Variants in CPXM2 observed in about 807,000 individuals in gnomAD.
CPXM2 encodes the protein inactive carboxypeptidase-like protein X2.
In CPXM2, 66 loss-of-function variants were observed where a neutral mutation model predicts 86.1. That is an observed-to-expected ratio of 0.77 (90% confidence interval 0.63 to 0.94). The LOEUF (loss-of-function observed/expected upper bound fraction) is 0.94, where lower values mean the gene tolerates loss of function less well. CPXM2 is among the 40% of genes least tolerant of loss of function. The pLI is 0.00. For synonymous variants in CPXM2, 388 were observed against 400.2 expected, an observed-to-expected ratio of 0.97 and a Z score of 0.36; for missense variants, 948 against 1,026.3, an observed-to-expected ratio of 0.92 and a Z score of 1.04.
intron 11 of CPXM2, among the ~76,000 whole-genome samples, chr10:123,759,623 C>T (rs1846289554): frequency 6.6e-6 from 1 of 152,240 alleles, no homozygotes; most frequent in Non-Finnish European, 1.5e-5. Context: ...GACAGTTCTT[C>T]ACAAGCCTTC....
chr10:123,808,687 T>A (rs1348985307), intron 4 of CPXM2, among the ~76,000 whole-genome samples: 1 of 152,012 alleles, frequency 6.6e-6, no homozygotes, highest in African/African-American at 2.4e-5. Flanking sequence ...AATTACTGAG[T>A]CAAGAACAAT....
intron 5 of CPXM2, 76 bp downstream of exon 5, chr10:123,799,039 A>G: frequency 6.6e-7 from 1 of 1,512,924 alleles, no homozygotes; most frequent in Non-Finnish European, 9.1e-7. Context: ...CAAAGAGTTG[A>G]TCATACATTG....
rs549258738 is a variant in CPXM2 at position 123,748,159 on chromosome 10, G to A, written c.2018-1142C>T. The stretch of plus-strand genomic sequence containing the variant: ...GCTGCATGCTTATTCCCTTTTCTAC[G>A]TGAGTAATTTGATGCCCAGAGAGGT... On this transcript the variant is annotated intron_variant, in intron 13 of 13. Transcript: ENST00000241305. Among the ~76,000 whole-genome samples the A allele has an allele frequency of 1.2e-4, 19 of 152,190 alleles. No individual in the cohort carries two copies. The South Asian group carries it at 2.9e-3, about 23-fold the overall frequency.
intron 2 of CPXM2, among the ~76,000 whole-genome samples, chr10:123,937,690 G>T (rs981228558): frequency 1.3e-5 from 2 of 152,066 alleles, no homozygotes; most frequent in African/African-American, 4.8e-5. Context: ...TGAGCATCCT[G>T]ACTGCTTGTC....
rs1845959144 is a variant in CPXM2, at chr10:123,745,704, A to G, written c.*1060T>C. 6.6e-6 allele frequency: 1 copy of G among 152,076 alleles called. No individual in the cohort carries two copies. The highest frequency in any genetic ancestry group is 2.1e-4 in the South Asian group (1 of 4,820). 9.4% of individuals were successfully genotyped at this position (152,076 alleles called of 1,614,324 possible). On this transcript the variant is annotated 3_prime_UTR_variant, in exon 14 of 14. Coordinates refer to ENST00000241305, the MANE Select transcript of CPXM2 (RefSeq NM_198148.3). ...AGGTCAATGAGGCAGCAACATTAAC[A>G]AAAAGTGAGACATACTTTTTTCTTG... is the stretch of plus-strand genomic sequence containing the variant.
chr10:123,861,865 C>A (rs189766368), intron 3 of CPXM2, among the ~76,000 whole-genome samples: 1 of 152,328 alleles, frequency 6.6e-6, no homozygotes, highest in Admixed American at 6.5e-5. Flanking sequence ...TTTGTCACAG[C>A]AGCAATAGGA....
chr10:123,944,100 AG>A (rs1484430186), upstream of CPXM2, among the ~76,000 whole-genome samples: 3 of 152,210 alleles, frequency 2.0e-5, no homozygotes, highest in African/African-American at 7.2e-5. Context: ...CTGGGGTGTG[AG>A]GCTGAGCTGG....
chr10:123,814,697 C>G (rs1437064758), intron 4 of CPXM2, among the ~76,000 whole-genome samples: 1 of 152,098 alleles, frequency 6.6e-6, no homozygotes, highest in African/African-American at 2.4e-5. Flanking sequence ...GTATGGACAA[C>G]ACTGATAGTC....
chr10:123,923,768 T>C (rs1470148808), intron 2 of CPXM2, among the ~76,000 whole-genome samples: 1 of 152,172 alleles, frequency 6.6e-6, no homozygotes, highest in African/African-American at 2.4e-5. Flanking sequence ...CTTCATACTA[T>C]TCTCGTAGTG....
chr10:123,889,369 C>G (rs1196429601), intron 1 of CPXM2, among the ~76,000 whole-genome samples: 2 of 152,058 alleles, frequency 1.3e-5, no homozygotes, highest in East Asian at 3.9e-4. Flanking sequence ...TGAGCTCCCC[C>G]AGCTTGTTTG....
At chr10:123,798,245 A>T in intron 5 of CPXM2, 119 bp from the exon 6 acceptor site, 4 of 660,850 alleles carry the variant, frequency 6.1e-6, no homozygotes, top group Non-Finnish European at 8.6e-6. Context: ...TGTGCTGTGC[A>T]TTGAAAAGAA....
chr10:123,916,335 G>A (rs1945533370), intron 2 of CPXM2, among the ~76,000 whole-genome samples: 1 of 152,184 alleles, frequency 6.6e-6, no homozygotes, highest in Admixed American at 6.5e-5. Flanking sequence ...ACTCTGCGCT[G>A]ATGAATGATA....
upstream of CPXM2, among the ~76,000 whole-genome samples, chr10:123,892,551 G>A (rs557466098): frequency 1.3e-5 from 2 of 152,198 alleles, no homozygotes; most frequent in African/African-American, 4.8e-5. Flanking sequence ...TCTCCAGGCG[G>A]GGATGTGGGG....
chr10:123,850,869 G>A (rs1282520986), intron 3 of CPXM2, among the ~76,000 whole-genome samples: 2 of 152,206 alleles, frequency 1.3e-5, no homozygotes, highest in Non-Finnish European at 2.9e-5. Context: ...ACACTTTCAT[G>A]CATTCATCGG....
At chr10:123,936,406 T>C (rs981781439) in intron 2 of CPXM2, among the ~76,000 whole-genome samples, 9 of 152,196 alleles carry the variant, frequency 5.9e-5, no homozygotes, top group African/African-American at 2.2e-4. Flanking sequence ...CTGCAGCTCT[T>C]ATCGGCTATA....
At chr10:123,854,363 T>TATATATATATA (rs566230060) in intron 3 of CPXM2, among the ~76,000 whole-genome samples, 3 of 111,616 alleles carry the variant, frequency 2.7e-5, no homozygotes, top group Admixed American at 1.1e-4. Context: ...TATATAAAAA[T>TATATATATATA]ATATATATAT....
At chr10:123,875,703 A>G (rs760563698) in intron 2 of CPXM2, among the ~76,000 whole-genome samples, 34 of 152,112 alleles carry the variant, frequency 2.2e-4, no homozygotes, top group Non-Finnish European at 4.9e-4. Flanking sequence ...CTTCCAGTCA[A>G]GGCATGAGGG....
At chr10:123,849,435 C>CTCTTTT (rs1848557142) in intron 3 of CPXM2, among the ~76,000 whole-genome samples, 1 of 141,944 alleles carries the variant, frequency 7.0e-6, no homozygotes, top group Non-Finnish European at 1.5e-5. Flanking sequence ...TTAACGTTCA[C>CTCTTTT]TCTTTTTTTT....
At chr10:123,905,649 G>A (rs895992321) in intron 2 of CPXM2, among the ~76,000 whole-genome samples, 5 of 152,022 alleles carry the variant, frequency 3.3e-5, no homozygotes, top group Admixed American at 6.5e-5. Context: ...TAATGTGACC[G>A]TACATTCCCA....
Sources: allele counts gnomAD v4.1 joint callset (sites outside exome capture counted in the v4.1 genomes callset), GRCh38; gene constraint gnomAD v4.1.1; transcripts MANE v1.5; gene names NCBI Gene and HGNC (gene_info 2026-07-23, HGNC 2026-07-21).